The following NDST4 variants were observed in gnomAD, a reference collection of about 807,000 sequenced individuals.
NDST4 encodes the protein N-heparan sulfate sulfotransferase 4.
NDST4 carries 63 observed loss-of-function variants against 100.8 expected under a neutral mutation model. The observed-to-expected ratio is 0.62, with a 90% CI of 0.51 to 0.77. NDST4 has a LOEUF of 0.77. NDST4 is among the 30% of genes least tolerant of loss of function. The pLI is 0.00. For missense variants in NDST4, 943 were observed against 1,018.4 expected (o/e 0.93, Z 1.01); for synonymous variants, 377 against 361.8 (o/e 1.04, Z -0.48).
At chr4:115,041,746 A>G (rs187011174) in intron 2 of NDST4, among the ~76,000 whole-genome samples, 7 of 152,058 alleles carry the variant, frequency 4.6e-5, no homozygotes, top group African/African-American at 1.7e-4. Context: ...GACACATCAC[A>G]TTACATACCT....
At chr4:114,931,927 A>G (rs1036179524) in intron 6 of NDST4, among the ~76,000 whole-genome samples, 34 of 152,050 alleles carry the variant, frequency 2.2e-4, no homozygotes, top group African/African-American at 7.9e-4. Context: ...TTAGAGAATT[A>G]ACATCAAATC....
chr4:114,983,681 TGA>T (rs1726832066), intron 2 of NDST4, among the ~76,000 whole-genome samples: 1 of 152,142 alleles, frequency 6.6e-6, no homozygotes, highest in South Asian at 2.1e-4. Flanking sequence ...GAGTTAAGAC[TGA>T]GGGAGACTGT....
At chr4:114,933,432 C>CTTTTTTTTTTTTTTTTTTCCTTTTT (rs1553955185) in intron 6 of NDST4, among the ~76,000 whole-genome samples, 38 of 89,252 alleles carry the variant, frequency 4.3e-4, no homozygotes, top group East Asian at 1.3e-3. Flanking sequence ...TTTTCTTTTC[C>CTTTTTTTTTTTTTTTTTTCCTTTTT]TTTTTTTTTT....
At chr4:114,850,950 T>C (rs1174048928) in intron 8 of NDST4, among the ~76,000 whole-genome samples, 6 of 152,300 alleles carry the variant, frequency 3.9e-5, no homozygotes, top group South Asian at 2.1e-4. Flanking sequence ...CTCTGCCTAT[T>C]TCTCTTCTCC....
chr4:114,993,895 G>A (rs1260155523), intron 2 of NDST4, among the ~76,000 whole-genome samples: 1 of 152,082 alleles, frequency 6.6e-6, no homozygotes, highest in Admixed American at 6.6e-5. Context: ...TCTAACAACA[G>A]TGTCTATTGA....
At chr4:114,972,839 T>C (rs1726544374) in intron 3 of NDST4, among the ~76,000 whole-genome samples, 1 of 152,038 alleles carries the variant, frequency 6.6e-6, no homozygotes, top group Non-Finnish European at 1.5e-5. Flanking sequence ...TTACTCAATT[T>C]AAAGAAAATT....
intron 2 of NDST4, among the ~76,000 whole-genome samples, chr4:115,021,165 C>A (rs1276572124): frequency 6.6e-6 from 1 of 151,434 alleles, no homozygotes; most frequent in Non-Finnish European, 1.5e-5. Flanking sequence ...ATCTAAATGC[C>A]CATCAATCAG....
At chr4:115,061,115 T>C (rs1728810199) in intron 2 of NDST4, among the ~76,000 whole-genome samples, 1 of 152,006 alleles carries the variant, frequency 6.6e-6, no homozygotes, top group Non-Finnish European at 1.5e-5. Flanking sequence ...AAAACCACAA[T>C]GAGATATCCT....
chr4:114,836,170 A>G (rs907823952), intron 11 of NDST4, among the ~76,000 whole-genome samples: 2 of 152,144 alleles, frequency 1.3e-5, no homozygotes, highest in Non-Finnish European at 2.9e-5. Context: ...CTAGCTGGTT[A>G]TTTTGTACAT....
chr4:115,097,604 T>C (rs1729644930), intron 1 of NDST4, among the ~76,000 whole-genome samples: 1 of 152,176 alleles, frequency 6.6e-6, no homozygotes, highest in Non-Finnish European at 1.5e-5. Flanking sequence ...CACTGGACTA[T>C]TGAAATTTCT....
At chr4:114,909,252 A>G (rs1036036393) in intron 6 of NDST4, among the ~76,000 whole-genome samples, 1 of 152,226 alleles carries the variant, frequency 6.6e-6, no homozygotes, top group African/African-American at 2.4e-5. Context: ...GATGACGATG[A>G]TGATAGATAA....
chr4:114,858,670 T>C (rs1018174341), intron 7 of NDST4, among the ~76,000 whole-genome samples: 2 of 152,196 alleles, frequency 1.3e-5, no homozygotes, highest in African/African-American at 2.4e-5. Context: ...TCCAAAGAGT[T>C]GTGTATTTGA....
chr4:114,912,653 A>C (rs1238367149), intron 6 of NDST4, among the ~76,000 whole-genome samples: 2 of 152,130 alleles, frequency 1.3e-5, no homozygotes, highest in Non-Finnish European at 2.9e-5. Flanking sequence ...AATAGCTATA[A>C]GACATTCATT....
intron 8 of NDST4, among the ~76,000 whole-genome samples, chr4:114,852,135 G>T (rs1723691731): frequency 6.6e-6 from 1 of 152,064 alleles, no homozygotes; most frequent in African/African-American, 2.4e-5. Flanking sequence ...CTCTTTTACT[G>T]CATTCTTATA....
intron 9 of NDST4, among the ~76,000 whole-genome samples, chr4:114,847,253 G>C: frequency 7.2e-6 from 1 of 139,462 alleles, no homozygotes. Context: ...GCGGGCGCCT[G>C]TAGTCCCAGC....
chr4:115,051,298 G>GT (rs796203690), intron 2 of NDST4, among the ~76,000 whole-genome samples: 183 of 149,566 alleles, frequency 1.2e-3, no homozygotes, highest in African/African-American at 3.7e-3. Context: ...TTTTTATTTT[G>GT]TTTTTTTTTA....
intron 2 of NDST4, among the ~76,000 whole-genome samples, chr4:115,056,732 A>G (rs559424164): frequency 6.7e-4 from 102 of 152,294 alleles, no homozygotes; most frequent in African/African-American, 2.4e-3. Flanking sequence ...ATTTTTTACT[A>G]TGATTTAAGC....
chr4:114,880,061 T>C (rs1670135421), intron 6 of NDST4, among the ~76,000 whole-genome samples: 1 of 152,186 alleles, frequency 6.6e-6, no homozygotes, highest in Non-Finnish European at 1.5e-5. Flanking sequence ...AGTTGGGCAG[T>C]GACTTCGTCA....
At chr4:115,030,950 T>C (rs1168012157) in intron 2 of NDST4, among the ~76,000 whole-genome samples, 1 of 152,120 alleles carries the variant, frequency 6.6e-6, no homozygotes, top group Admixed American at 6.6e-5. Context: ...TAAACAACTG[T>C]AGCCAATATA....
Sources: allele counts gnomAD v4.1 joint callset (sites outside exome capture counted in the v4.1 genomes callset), GRCh38; gene constraint gnomAD v4.1.1; transcripts MANE v1.5; gene names NCBI Gene and HGNC (gene_info 2026-07-23, HGNC 2026-07-21).